Variants in ANXA1 observed in about 807,000 individuals in gnomAD.
ANXA1 encodes annexin I (lipocortin I).
In ANXA1, 39 loss-of-function variants were observed where a neutral mutation model predicts 47.9. The observed-to-expected ratio is 0.81, with a 90% confidence interval of 0.63 to 1.06. ANXA1 has a LOEUF of 1.06. Among genes scored for constraint, ANXA1 ranks in the 50% least tolerant of loss-of-function variants. The probability of loss-of-function intolerance (pLI) is 0.00; values close to 1 mark genes in which losing one functional copy is unlikely to be tolerated. For missense variants in ANXA1, 446 were observed against 422.7 expected (o/e 1.06, Z -0.48); for synonymous variants, 146 against 142.5 (o/e 1.02, Z -0.17).
rs552797541 is a variant in ANXA1, at chr9:73,160,843, C to T, written c.425C>T (p.Ala142Val). The T allele has an allele frequency of 3.1e-5, 50 of 1,612,752 alleles. 1 individual carries two copies. The South Asian group carries it at 5.4e-4, about 17-fold the overall frequency. The change falls in exon 6 of 13, where the codon GCA becomes GTA. Residue 142 changes from alanine (A) to valine (V), a missense_variant. By Grantham distance (64) the Ala-to-Val change is moderately conservative (BLOSUM62 0). Transcript: ENST00000257497. ...TDEDTLIEIL[A>V]SRTNKEIRDI... is the part of the protein sequence containing the mutation. ...GAAGATACTCTAATTGAGATTTTGG[C>T]ATCAAGAACTAACAAAGAAATCAGA...
At chr9:73,159,602 C>T (rs1440098320) in intron 4 of ANXA1, 179 bp downstream of exon 4, 6 of 501,976 alleles carry the variant, frequency 1.2e-5, no homozygotes, top group Non-Finnish European at 2.1e-5. Context: ...ATCAAATTTC[C>T]TATTTTTATA....
chr9:73,158,136 G>C (rs2118143100), intron 1 of ANXA1: 1 of 193,486 alleles, frequency 5.2e-6, no homozygotes, highest in Admixed American at 5.3e-5. Context: ...GGGTACTTAA[G>C]ATGATATTTC....
intron 1 of ANXA1, 182 bp from the exon 2 acceptor site, chr9:73,158,339 TA>T: frequency 1.8e-6 from 1 of 548,440 alleles, no homozygotes; most frequent in Non-Finnish European, 3.3e-6. Flanking sequence ...ATTTTAAGTA[TA>T]AAAGCTTCCT....
intron 12 of ANXA1, 95 bp downstream of exon 12, chr9:73,169,249 T>C: frequency 7.5e-7 from 1 of 1,331,468 alleles, no homozygotes; most frequent in Non-Finnish European, 1.0e-6. Context: ...TCTATAAATT[T>C]AATATGTAAG....
intron 3 of ANXA1, among the ~76,000 whole-genome samples, chr9:73,159,045 A>G (rs150741831): frequency 1.3e-5 from 2 of 152,328 alleles, no homozygotes; most frequent in African/African-American, 4.8e-5. Context: ...TCCATGCTGA[A>G]ATTAAAAGCT....
chr9:73,163,272 G>C (rs1474457850), intron 7 of ANXA1, among the ~76,000 whole-genome samples: 1 of 152,042 alleles, frequency 6.6e-6, no homozygotes, highest in Non-Finnish European at 1.5e-5. Flanking sequence ...TTTAACACTG[G>C]GGATCAAATT....
At chr9:73,159,715 G>A (rs1824107353) in intron 4 of ANXA1, 1 of 233,822 alleles carries the variant, frequency 4.3e-6, no homozygotes. Context: ...TAAAGAATAT[G>A]GTCTGATTGA....
intron 1 of ANXA1, among the ~76,000 whole-genome samples, chr9:73,156,419 C>T (rs1041698200): frequency 2.6e-5 from 4 of 152,018 alleles, no homozygotes; most frequent in African/African-American, 9.7e-5. Flanking sequence ...GTAATGGGAA[C>T]TAAAACCTTG....
rs775791748 is a variant in ANXA1, at chr9:73,166,112, C to A, written c.722C>A (p.Thr241Asn). The A allele has an allele frequency of 1.9e-5, 31 of 1,608,922 alleles. No homozygotes were observed. The highest frequency in any genetic ancestry group is 2.2e-5 in the Non-Finnish European group (26 of 1,177,708). ...TAATATTCAGTGTTTCAGAAATACACCAAGTACAGTAAGCATGACATGAAC... is the reference window on the plus strand; with the variant it reads ...TAATATTCAGTGTTTCAGAAATACAACAAGTACAGTAAGCATGACATGAAC... ...PQLRRVFQKYTKYSKHDMNKV... is the reference protein window; with the variant it reads ...PQLRRVFQKYNKYSKHDMNKV... Residue 241 changes from threonine to asparagine, a missense_variant, in exon 10 of 13, where the codon ACC becomes AAC. Transcript: ENST00000257497.
intron 8 of ANXA1, 83 bp from the exon 9 acceptor site, chr9:73,165,033 A>G: frequency 8.9e-7 from 1 of 1,127,508 alleles, no homozygotes; most frequent in Non-Finnish European, 1.3e-6. Flanking sequence ...GATTGCCTAT[A>G]TAATCTTTGA....
At chr9:73,160,419 G>A in intron 5 of ANXA1, 43 bp downstream of exon 5, 1 of 1,369,886 alleles carries the variant, frequency 7.3e-7, no homozygotes, top group Non-Finnish European at 1.0e-6. Context: ...TCAAGAGGAT[G>A]TATTGGGCAA....
At chr9:73,159,739 T>C (rs746703276) in intron 4 of ANXA1, 13 of 193,744 alleles carry the variant, frequency 6.7e-5, no homozygotes, top group Non-Finnish European at 1.2e-4. Flanking sequence ...GTACTAATAT[T>C]TAAACTGAAC....
intron 11 of ANXA1, chr9:73,168,624 G>A (rs1187097275): frequency 6.4e-6 from 1 of 155,788 alleles, no homozygotes; most frequent in Non-Finnish European, 1.4e-5. Context: ...GATATTGTAA[G>A]CCTTGAAAAA....
intron 1 of ANXA1, chr9:73,157,753 A>G (rs554244370): frequency 6.6e-6 from 1 of 151,184 alleles, no homozygotes; most frequent in African/African-American, 2.4e-5. Context: ...CTAATGGTCT[A>G]CTAAATAGTA....
chr9:73,169,241 T>C (rs1588227866), intron 12 of ANXA1, 87 bp downstream of exon 12: 1 of 1,380,656 alleles, frequency 7.2e-7, no homozygotes, highest in South Asian at 1.6e-5. Flanking sequence ...TTATTGTATC[T>C]ATAAATTTAA....
intron 11 of ANXA1, chr9:73,167,874 C>T (rs1205911512): frequency 1.6e-5 from 4 of 242,978 alleles, no homozygotes; most frequent in Non-Finnish European, 3.2e-5. Flanking sequence ...GGCCTACTTC[C>T]TCTAAGGTTG....
chr9:73,164,373 G>T, intron 8 of ANXA1, among the ~76,000 whole-genome samples: 1 of 152,108 alleles, frequency 6.6e-6, no homozygotes, highest in East Asian at 1.9e-4. Flanking sequence ...CATTTTAATA[G>T]AAATTGTTCA....
intron 6 of ANXA1, among the ~76,000 whole-genome samples, chr9:73,161,953 C>T (rs142252074): frequency 1.3e-5 from 2 of 152,284 alleles, no homozygotes; most frequent in African/African-American, 4.8e-5. Flanking sequence ...AAAGGAAATA[C>T]TGTACAAGTA....
intron 7 of ANXA1, 27 bp downstream of exon 7, chr9:73,162,888 C>A (rs759335183): frequency 2.7e-5 from 42 of 1,552,054 alleles, no homozygotes; most frequent in Non-Finnish European, 3.4e-5. Context: ...TTAGGAAATG[C>A]CTCTTGTTTT....
Sources: gnomAD v4.1 joint callset for allele counts (sites outside exome capture counted in the v4.1 genomes callset) on GRCh38, gnomAD v4.1.1 for gene constraint, MANE v1.5 for transcripts, NCBI Gene and HGNC (gene_info 2026-07-23, HGNC 2026-07-21) for gene names.